The following RARB variants were observed in gnomAD, a reference collection of about 807,000 sequenced individuals.
RARB encodes the protein retinoic acid receptor beta.
A neutral mutation model predicts 51.9 loss-of-function variants in RARB; 17 were observed. The ratio of observed to expected loss-of-function variants is 0.33; its 90% CI spans 0.22 to 0.49. The LOEUF is 0.49. RARB is among the 20% of genes least tolerant of loss of function. The pLI, the probability that RARB is intolerant of heterozygous loss-of-function variation, is 0.99. For synonymous variants in RARB, 215 were observed against 195.4 expected (o/e 1.10, Z -0.84); for missense variants, 369 against 550.8 (o/e 0.67, Z 3.30).
chr3:25,102,117 C>G (rs1699411272), intron 3 of RARB, among the ~76,000 whole-genome samples: 1 of 152,134 alleles, frequency 6.6e-6, no homozygotes, highest in African/African-American at 2.4e-5. Context: ...CACTCCCAGG[C>G]TAGTCTGGGC....
intron 3 of RARB, among the ~76,000 whole-genome samples, chr3:25,065,407 T>C (rs1698641587): frequency 6.6e-6 from 1 of 152,198 alleles, no homozygotes; most frequent in Admixed American, 6.5e-5. Context: ...TAGAGGATAA[T>C]TTTAAACTTT....
intron 3 of RARB, among the ~76,000 whole-genome samples, chr3:25,528,292 G>A (rs1698742114): frequency 6.6e-6 from 1 of 152,224 alleles, no homozygotes; most frequent in South Asian, 2.1e-4. Context: ...AGGACAGCAA[G>A]AGACTGAGAC....
chr3:25,138,434 G>A (rs1455284760), intron 4 of RARB, among the ~76,000 whole-genome samples: 1 of 151,384 alleles, frequency 6.6e-6, no homozygotes, highest in Non-Finnish European at 1.5e-5. Context: ...CCCCTGGTTT[G>A]TTGTACCAAG....
chr3:25,472,413 A>G (rs997666035), intron 2 of RARB, among the ~76,000 whole-genome samples: 2 of 152,242 alleles, frequency 1.3e-5, no homozygotes, highest in African/African-American at 4.8e-5. Flanking sequence ...AAGTCGACTC[A>G]GAGATGTAGT....
chr3:25,472,271 G>A (rs1227814405), intron 2 of RARB, among the ~76,000 whole-genome samples: 1 of 152,116 alleles, frequency 6.6e-6, no homozygotes, highest in East Asian at 1.9e-4. Context: ...TAGGTTCTTA[G>A]CATCATCTTA....
At chr3:25,007,191 C>T (rs1697290785) in intron 2 of RARB, among the ~76,000 whole-genome samples, 1 of 152,178 alleles carries the variant, frequency 6.6e-6, no homozygotes, top group East Asian at 1.9e-4. Context: ...GAGCCTGCAT[C>T]TTCTGATTAC....
chr3:25,128,926 G>C lies in RARB; in HGVS notation c.-327-3235G>C, dbSNP rs186902672. Among the ~76,000 whole-genome samples the C allele has an allele frequency of 4.0e-3, 603 of 152,172 alleles. 7 individuals are homozygous for C. The highest frequency in any genetic ancestry group is 0.012 in the African/African-American group (514 of 41,548). On this transcript the variant is annotated intron_variant, in intron 3 of 11. Transcript: ENST00000383772. ...AGAGGATTAGTTAACTGGAAGCTAG[G>C]TTGGAAAAAATAACATAATTAGCTG...
At chr3:25,504,224 C>G (rs1053451692) in intron 3 of RARB, among the ~76,000 whole-genome samples, 12 of 152,188 alleles carry the variant, frequency 7.9e-5, no homozygotes, top group African/African-American at 2.9e-4. Flanking sequence ...CTTTGTCTCT[C>G]ACAGCTGATT....
intron 1 of RARB, among the ~76,000 whole-genome samples, chr3:25,455,778 C>T (rs2125547827): frequency 1.3e-5 from 2 of 152,302 alleles, no homozygotes; most frequent in Middle Eastern, 6.8e-3. Context: ...CAGGGAAGCC[C>T]ATCTGGTTAG....
In RARB at chr3:25,005,748, G is replaced by T. The variant is rs137940653; in HGVS notation, c.-379-54377G>T. On this transcript the variant is annotated intron_variant, in intron 2 of 11. Coordinates refer to the RARB transcript ENST00000383772. ...TCAATGAAAGCTATCTTCGAGGCTG[G>T]CTACTACGCTCCTCCTGGTCTTGTC... 8.2e-3 allele frequency among the ~76,000 whole-genome samples: 1,247 copies of T among 152,186 alleles called. 11 individuals carry two copies. Among genetic ancestry groups the T allele is most frequent in the African/African-American group, 0.023 (956 of 41,522 alleles).
chr3:24,846,198 T>C (rs981459928), intron 1 of RARB, among the ~76,000 whole-genome samples: 1 of 152,222 alleles, frequency 6.6e-6, no homozygotes, highest in Non-Finnish European at 1.5e-5. Flanking sequence ...TGGGTGATCT[T>C]AGGCAAGTTA....
chr3:25,078,085 C>T (rs965249376), intron 3 of RARB, among the ~76,000 whole-genome samples: 4 of 151,798 alleles, frequency 2.6e-5, no homozygotes, highest in Non-Finnish European at 5.9e-5. Context: ...ATATAGTTTG[C>T]CTATGGATAT....
chr3:25,249,464 A>G (rs1702650080), intron 5 of RARB, among the ~76,000 whole-genome samples: 2 of 152,202 alleles, frequency 1.3e-5, no homozygotes, highest in Admixed American at 1.3e-4. Flanking sequence ...GTTGCTGGAA[A>G]ATTGTTGTGA....
At chr3:24,856,386 A>G (rs769747919) in intron 1 of RARB, among the ~76,000 whole-genome samples, 25 of 152,204 alleles carry the variant, frequency 1.6e-4, no homozygotes, top group South Asian at 4.1e-4. Flanking sequence ...GACCCACTGC[A>G]TGATAAAAGT....
chr3:25,201,102 T>G (rs1701378230), intron 5 of RARB, among the ~76,000 whole-genome samples: 1 of 152,206 alleles, frequency 6.6e-6, no homozygotes, highest in Non-Finnish European at 1.5e-5. Flanking sequence ...TTTGTTTGTG[T>G]CCTTGAACAG....
intron 5 of RARB, among the ~76,000 whole-genome samples, chr3:25,584,169 CT>C (rs1385353628): frequency 1.3e-5 from 2 of 151,908 alleles, no homozygotes; most frequent in Non-Finnish European, 2.9e-5. Context: ...CCCTCCCATC[CT>C]TCTCTTCTTC....
At chr3:24,875,787 A>G (rs1703032137) in intron 2 of RARB, among the ~76,000 whole-genome samples, 1 of 152,112 alleles carries the variant, frequency 6.6e-6, no homozygotes, top group African/African-American at 2.4e-5. Context: ...TTCAAATTTT[A>G]CCAGTTTTTT....
intron 3 of RARB, among the ~76,000 whole-genome samples, chr3:25,557,657 T>C (rs993812114): frequency 1.3e-5 from 2 of 152,136 alleles, no homozygotes; most frequent in South Asian, 2.1e-4. Flanking sequence ...CCCTCCCTGG[T>C]TTAGACATCC....
rs146887219 is a variant in RARB at position 24,925,295 on chromosome 3, A to G, written c.-380+66543A>G. On this transcript the variant is annotated intron_variant, in intron 2 of 11. Transcript: ENST00000383772. ...GAAAATATGACAAACTCCATTATTC[A>G]CAACTAGATTTACAGATTAATATTT... Among the ~76,000 whole-genome samples, 1,017 of 152,200 alleles carry G rather than the reference A, an allele frequency of 6.7e-3. 9 individuals carry two copies. Among genetic ancestry groups the G allele is most frequent in the African/African-American group, 0.023 (967 of 41,532 alleles).
Sources: gnomAD v4.1 joint callset for allele counts (sites outside exome capture counted in the v4.1 genomes callset) on GRCh38, gnomAD v4.1.1 for gene constraint, MANE v1.5 for transcripts, NCBI Gene and HGNC (gene_info 2026-07-23, HGNC 2026-07-21) for gene names.